The following PHF14 variants were observed in gnomAD, a reference collection of about 807,000 sequenced individuals.
The protein encoded by PHF14 is PHD finger protein 14.
In PHF14, 55 loss-of-function variants were observed where a neutral mutation model predicts 117.9. The ratio of observed to expected loss-of-function variants is 0.47; its 90% CI spans 0.38 to 0.58. The LOEUF is 0.58. Among genes scored for constraint, PHF14 ranks in the 20% least tolerant of loss-of-function variants. The pLI is 0.00. For synonymous variants in PHF14, 409 were observed against 368.6 expected (o/e 1.11, Z -1.26); for missense variants, 978 against 1,122.2 (o/e 0.87, Z 1.84).
At chr7:11,129,649 G>A (rs1388498399) in intron 17 of PHF14, among the ~76,000 whole-genome samples, 3 of 148,272 alleles carry the variant, frequency 2.0e-5, no homozygotes, top group African/African-American at 7.5e-5. Context: ...CAATATATTA[G>A]CAATAGGAGT....
intron 17 of PHF14, among the ~76,000 whole-genome samples, chr7:11,164,524 T>C (rs1789144116): frequency 6.6e-6 from 1 of 152,222 alleles, no homozygotes; most frequent in Non-Finnish European, 1.5e-5. Flanking sequence ...GTGCCTTGCA[T>C]TTGTTTTCTT....
chr7:11,050,006 C>T (rs1480536522), intron 13 of PHF14, among the ~76,000 whole-genome samples: 1 of 152,056 alleles, frequency 6.6e-6, no homozygotes, highest in African/African-American at 2.4e-5. Context: ...GTTTTGCTAA[C>T]CTATTCTTAA....
chr7:11,142,323 A>T (rs964660132), intron 17 of PHF14, among the ~76,000 whole-genome samples: 5 of 152,032 alleles, frequency 3.3e-5, no homozygotes, highest in African/African-American at 4.8e-5. Flanking sequence ...CATAGCAATT[A>T]TTCACTGCGC....
At chr7:11,052,058 G>A (rs1307751403) in intron 14 of PHF14, among the ~76,000 whole-genome samples, 10 of 152,170 alleles carry the variant, frequency 6.6e-5, no homozygotes, top group African/African-American at 2.4e-5. Flanking sequence ...GAAGTTTCCC[G>A]TAAACCCCTC....
At position 11,164,939 on chromosome 7, in the gene PHF14, T is replaced by C. The variant is rs183244945; in HGVS notation, c.2773-4477T>C. Among the ~76,000 whole-genome samples, 12 of 152,354 alleles carry C rather than the reference T, an allele frequency of 7.9e-5. No homozygotes were observed. In the East Asian group the frequency reaches 2.3e-3, roughly 29 times the overall value. On this transcript the variant is annotated intron_variant, in intron 17 of 17. Transcript: ENST00000634607. ...ATTCATAACCTTGACATTCTTTTTT[T>C]TTTGAGACGGAGTCTCGCTCAATTG... is the stretch of plus-strand genomic sequence containing the variant.
chr7:10,997,794 G>T (rs1250191731), intron 4 of PHF14, among the ~76,000 whole-genome samples: 1 of 152,212 alleles, frequency 6.6e-6, no homozygotes, highest in Admixed American at 6.5e-5. Flanking sequence ...TTCAGAGTAA[G>T]TGATCAAAGA....
At chr7:11,137,807 A>T (rs1562482432) in intron 17 of PHF14, among the ~76,000 whole-genome samples, 2 of 151,730 alleles carry the variant, frequency 1.3e-5, no homozygotes, top group Non-Finnish European at 2.9e-5. Flanking sequence ...GCTGGTCTCG[A>T]ACTCCTGACC....
intron 13 of PHF14, among the ~76,000 whole-genome samples, chr7:11,047,337 G>A (rs757466944): frequency 2.0e-5 from 3 of 151,918 alleles, no homozygotes; most frequent in Non-Finnish European, 4.4e-5. Flanking sequence ...CAAAGTGCTG[G>A]ATTACAGGCG....
intron 16 of PHF14, among the ~76,000 whole-genome samples, chr7:11,081,808 A>G (rs959383684): frequency 2.0e-5 from 3 of 151,724 alleles, no homozygotes; most frequent in African/African-American, 7.3e-5. Context: ...GTGAGCTGAG[A>G]TCGCGCCACC....
intron 16 of PHF14, chr7:11,106,773 A>G: frequency 1.0e-6 from 1 of 984,476 alleles, no homozygotes; most frequent in Non-Finnish European, 1.2e-6. Flanking sequence ...TTTTACACAG[A>G]AATGAAAAAG....
intron 16 of PHF14, chr7:11,103,513 C>T (rs1198291246): frequency 1.0e-6 from 1 of 984,666 alleles, no homozygotes; most frequent in East Asian, 1.1e-4. Flanking sequence ...AAGTCAACGG[C>T]AGAAGTATGT....
chr7:11,140,919 C>A (rs1027881291), intron 17 of PHF14, among the ~76,000 whole-genome samples: 1 of 152,124 alleles, frequency 6.6e-6, no homozygotes, highest in African/African-American at 2.4e-5. Context: ...AAAACCAATA[C>A]TGTTTCCTGT....
chr7:11,158,174 A>C (rs1282629671), intron 17 of PHF14, among the ~76,000 whole-genome samples: 3 of 152,160 alleles, frequency 2.0e-5, no homozygotes, highest in Non-Finnish European at 4.4e-5. Context: ...ACCAAGATTC[A>C]ATCCAGGATC....
At chr7:11,063,132 C>G in intron 16 of PHF14, 1 of 951,162 alleles carries the variant, frequency 1.1e-6, no homozygotes. Flanking sequence ...TTTATGCTAT[C>G]AATGAGAAAG....
chr7:11,167,567 A>C (rs984599697), intron 17 of PHF14, among the ~76,000 whole-genome samples: 2 of 152,234 alleles, frequency 1.3e-5, no homozygotes, highest in Non-Finnish European at 2.9e-5. Flanking sequence ...TATAAGATAC[A>C]GAAGATAAAA....
intron 16 of PHF14, chr7:11,071,124 C>A: frequency 2.8e-6 from 1 of 351,214 alleles, no homozygotes; most frequent in South Asian, 2.8e-5. Context: ...AAGCTTGTCA[C>A]TTGCCAGCTT....
chr7:11,043,409 T>C (rs1385861656), intron 13 of PHF14, among the ~76,000 whole-genome samples: 3 of 152,082 alleles, frequency 2.0e-5, no homozygotes, highest in East Asian at 1.9e-4. Flanking sequence ...CAGATTTTAA[T>C]AGAATGATTT....
Position 10,995,765 on chromosome 7 carries a change from C to T in PHF14, c.1045+4918C>T, listed in dbSNP as rs536835730. 2.0e-3 allele frequency among the ~76,000 whole-genome samples: 305 copies of T among 152,300 alleles called. 2 individuals carry two copies. Among genetic ancestry groups the T allele is most frequent in the African/African-American group, 6.9e-3 (288 of 41,586 alleles). On this transcript the variant is annotated intron_variant, in intron 4 of 17. Transcript: ENST00000634607. ...GGCGGGCCAGCACTGCTGGGGGACC[C>T]GGTGCACCCTCCACAGCTGCTGGCC...
chr7:11,081,187 G>A (rs1583446693), intron 16 of PHF14, among the ~76,000 whole-genome samples: 1 of 152,116 alleles, frequency 6.6e-6, no homozygotes, highest in East Asian at 1.9e-4. Context: ...TAAGCACAGA[G>A]AAAGTTAAAA....
Sources: gnomAD v4.1 joint callset for allele counts (sites outside exome capture counted in the v4.1 genomes callset) on GRCh38, gnomAD v4.1.1 for gene constraint, MANE v1.5 for transcripts, NCBI Gene and HGNC (gene_info 2026-07-23, HGNC 2026-07-21) for gene names.